Variants in RBM39 observed in about 807,000 individuals in gnomAD.
The protein encoded by RBM39 is RNA binding motif protein 39, also known as RNA-binding protein 39.
Under a neutral mutation model 79.6 loss-of-function variants are expected in RBM39, and 12 were observed. That is an observed-to-expected ratio of 0.15 (90% CI 0.10 to 0.24). The LOEUF (loss-of-function observed/expected upper bound fraction) is 0.24. Among genes scored for constraint, RBM39 ranks in the 10% least tolerant of loss-of-function variants. The probability of loss-of-function intolerance (pLI) is 1.00; values close to 1 mark genes in which losing one functional copy is unlikely to be tolerated. For synonymous variants in RBM39, 185 were observed against 208.4 expected, an observed-to-expected ratio of 0.89 and a Z score of 0.97; for missense variants, 243 against 653.4, an observed-to-expected ratio of 0.37 and a Z score of 6.85.
At chr20:35,712,191 G>T (rs967653955) in intron 12 of RBM39, among the ~76,000 whole-genome samples, 11 of 152,000 alleles carry the variant, frequency 7.2e-5, no homozygotes, top group Non-Finnish European at 1.5e-5. Context: ...AATGAGGGCC[G>T]AACGCAGTGG....
At chr20:35,734,622 G>C (rs1259136892) in intron 3 of RBM39, 2 of 330,534 alleles carry the variant, frequency 6.1e-6, no homozygotes, top group Non-Finnish European at 1.1e-5. Flanking sequence ...TCTGCCAAAA[G>C]AAAACACTTG....
In RBM39 at chr20:35,712,200, G is replaced by A. The variant is rs2036501878; in HGVS notation, c.1174+819C>T. Among the ~76,000 whole-genome samples the A allele has an allele frequency of 2.0e-5, 3 of 152,154 alleles. No individual in the cohort carries two copies. The South Asian group carries it at 6.2e-4, about 32-fold the overall frequency. ...TTAAGAAATGAGGGCCGAACGCAGT[G>A]GCTCACATCTGTAAGCCCAGCACTT... On this transcript the variant is annotated intron_variant, in intron 12 of 16. Coordinates refer to ENST00000253363, the MANE Select transcript of RBM39 (RefSeq NM_184234.3).
intron 8 of RBM39, among the ~76,000 whole-genome samples, chr20:35,723,477 C>T (rs1368313837): frequency 2.6e-5 from 4 of 152,156 alleles, no homozygotes; most frequent in African/African-American, 7.2e-5. Context: ...TGGTTCTTGT[C>T]GCCCAGGCTG....
chr20:35,716,497 G>C (rs1223870951), intron 10 of RBM39, among the ~76,000 whole-genome samples: 1 of 152,152 alleles, frequency 6.6e-6, no homozygotes, highest in Non-Finnish European at 1.5e-5. Context: ...TAAGTGTGAT[G>C]ATTTGGTTTT....
intron 9 of RBM39, among the ~76,000 whole-genome samples, chr20:35,717,054 C>T (rs1451063656): frequency 6.6e-6 from 1 of 151,932 alleles, no homozygotes; most frequent in East Asian, 1.9e-4. Context: ...TTGAGGGAGG[C>T]GGATCACCTG....
intron 8 of RBM39, among the ~76,000 whole-genome samples, chr20:35,722,476 T>TTTTTTTA (rs1452130285): frequency 2.7e-5 from 4 of 146,888 alleles, no homozygotes; most frequent in Non-Finnish European, 6.0e-5. Context: ...TTTTTTTTTT[T>TTTTTTTA]GAGACAGTCT....
At chr20:35,706,205 G>A (rs996850430) in intron 14 of RBM39, among the ~76,000 whole-genome samples, 8 of 152,170 alleles carry the variant, frequency 5.3e-5, no homozygotes, top group African/African-American at 1.9e-4. Context: ...GGGCGTGGTG[G>A]TGTGCACTTG....
rs373581615 is a variant in RBM39 at position 35,713,009 on chromosome 20, C to G, written c.1174+10G>C. 2.5e-6 allele frequency: 4 copies of G among 1,591,202 alleles called. No individual in the cohort carries two copies. Among genetic ancestry groups the G allele is most frequent in the Non-Finnish European group, 8.5e-7 (1 of 1,172,674 alleles). On this transcript the variant is annotated intron_variant, in intron 12 of 16. Transcript: ENST00000253363. ...AAACGATTTAAAATTAGAAAAGATT[C>G]AATTCCTACCTGCCACAGCACCAAA...
intron 10 of RBM39, among the ~76,000 whole-genome samples, chr20:35,714,744 T>C (rs896584480): frequency 1.3e-5 from 2 of 152,140 alleles, no homozygotes; most frequent in Non-Finnish European, 2.9e-5. Context: ...TGAGGTAGAA[T>C]TTAGTACTTT....
At chr20:35,724,407 G>A (rs2425103) in intron 8 of RBM39, among the ~76,000 whole-genome samples, 163 bp downstream of exon 8, 27,333 of 148,670 alleles carry the variant, frequency 0.18, 2,900 homozygotes, top group African/African-American at 0.3. Flanking sequence ...TGAGAAAACT[G>A]TATCAATGTT....
At position 35,702,377 on chromosome 20, in the gene RBM39, G is replaced by C. The variant is rs187459985; in HGVS notation, c.*2104C>G. On this transcript the variant is annotated 3_prime_UTR_variant, in exon 17 of 17. Coordinates refer to ENST00000253363, the MANE Select transcript of RBM39 (RefSeq NM_184234.3). ...GTTTTCTATGCACGACACTATTCAA[G>C]TTACTACACTCCAACCACATTTCCT... The C allele has an allele frequency of 6.6e-6, 1 of 152,246 alleles. No homozygotes were observed. Among genetic ancestry groups the C allele is most frequent in the Admixed American group, 6.5e-5 (1 of 15,290 alleles). The allele number at this position is 152,246 out of a possible 1,614,324, so 9.4% of individuals were successfully genotyped here.
chr20:35,701,865 A>C lies in RBM39; in HGVS notation c.*2616T>G, dbSNP rs910058741. 2.0e-5 allele frequency: 3 copies of C among 152,112 alleles called. No homozygotes were observed. Among genetic ancestry groups the C allele is most frequent in the African/African-American group, 7.2e-5 (3 of 41,386 alleles). 9.4% of individuals were successfully genotyped at this position (152,112 alleles called of 1,614,324 possible). Reference sequence around the variant, plus strand: ...CCCGCCTCCGCCTCCCAGTGTTCACATATACAGGCATAAGGCACCACGTCC... The same window carrying C: ...CCCGCCTCCGCCTCCCAGTGTTCACCTATACAGGCATAAGGCACCACGTCC... On this transcript the variant is annotated 3_prime_UTR_variant, in exon 17 of 17. Coordinates refer to ENST00000253363, the MANE Select transcript of RBM39 (RefSeq NM_184234.3).
chr20:35,707,877 C>T, intron 13 of RBM39: 1 of 465,524 alleles, frequency 2.1e-6, no homozygotes, highest in Non-Finnish European at 4.4e-6. Context: ...TTTTCCAAGA[C>T]AGTTGCTCCA....
intron 1 of RBM39, 137 bp from the exon 2 acceptor site, chr20:35,741,024 A>ATTTTTC (rs1246339134): frequency 0.012 from 963 of 77,896 alleles, 50 homozygotes; most frequent in African/African-American, 0.072. Context: ...GTGAGTAAAC[A>ATTTTTC]TTTTTCTTTT....
At chr20:35,726,904 C>A (rs1404068544) in intron 6 of RBM39, among the ~76,000 whole-genome samples, 2 of 152,132 alleles carry the variant, frequency 1.3e-5, no homozygotes, top group African/African-American at 4.8e-5. Context: ...TGGCTCATCA[C>A]AACCTCCATC....
chr20:35,720,721 G>A (rs191906450), intron 9 of RBM39, among the ~76,000 whole-genome samples: 49 of 152,250 alleles, frequency 3.2e-4, no homozygotes, highest in African/African-American at 9.1e-4. Context: ...GCAGCGAGGC[G>A]AGATTGTGCC....
chr20:35,723,284 T>C (rs1238015563), intron 8 of RBM39, among the ~76,000 whole-genome samples: 3 of 152,064 alleles, frequency 2.0e-5, no homozygotes, highest in Non-Finnish European at 4.4e-5. Context: ...AGGCTTCTCT[T>C]GTAACAAACT....
intron 3 of RBM39, chr20:35,734,960 T>C: frequency 6.2e-7 from 1 of 1,606,226 alleles, no homozygotes; most frequent in Non-Finnish European, 8.5e-7. Context: ...CTGAAGTAAA[T>C]GGTCCACTGG....
chr20:35,705,043 T>C, intron 15 of RBM39, 182 bp downstream of exon 15: 1 of 598,464 alleles, frequency 1.7e-6, no homozygotes, highest in Non-Finnish European at 2.9e-6. Context: ...CCTGATCAAA[T>C]TGTTACTGAT....
Sources: allele counts gnomAD v4.1 joint callset (sites outside exome capture counted in the v4.1 genomes callset), GRCh38; gene constraint gnomAD v4.1.1; transcripts MANE v1.5; gene names NCBI Gene and HGNC (gene_info 2026-07-23, HGNC 2026-07-21).